Variants in USP54 observed in about 807,000 individuals in gnomAD.
USP54 encodes ubiquitin specific peptidase 54.
USP54 carries 87 observed loss-of-function variants against 170.5 expected under a neutral mutation model. That is an observed-to-expected ratio of 0.51 (90% confidence interval 0.43 to 0.61). USP54 has a LOEUF of 0.61. Ranked by LOEUF, USP54 falls within the 20% of genes least tolerant of loss-of-function variation. USP54 has a pLI of 0.00. For missense variants in USP54, 1,786 were observed against 2,047.8 expected (o/e 0.87, Z 2.47); for synonymous variants, 655 against 742.8 (o/e 0.88, Z 1.92).
At chr10:73,592,662 T>C (rs2078362279), upstream of USP54, among the ~76,000 whole-genome samples, 1 of 152,150 alleles carries the variant, frequency 6.6e-6, no homozygotes, top group Non-Finnish European at 1.5e-5. Context: ...AGCTCTTCAA[T>C]CAAGTCATTA....
intron 1 of USP54, chr10:73,614,089 C>T (rs1252596461): frequency 6.6e-6 from 1 of 150,798 alleles, no homozygotes; most frequent in East Asian, 1.9e-4. Context: ...GTAGTTACAG[C>T]TACTGGGGAG....
intron 1 of USP54, among the ~76,000 whole-genome samples, chr10:73,613,737 G>A (rs2080360408): frequency 1.3e-5 from 2 of 151,676 alleles, no homozygotes; most frequent in Non-Finnish European, 1.5e-5. Context: ...AAATTAGCTG[G>A]GCGTGGTGGC....
chr10:73,498,338 C>A lies in USP54; in HGVS notation c.*291G>T. 1 of 194,856 alleles carries A rather than the reference C, an allele frequency of 5.1e-6. No homozygotes were observed. The highest frequency in any genetic ancestry group is 5.4e-5 in the Admixed American group (1 of 18,544). 12.1% of individuals were successfully genotyped at this position (194,856 alleles called of 1,614,324 possible). Reference sequence around the variant, plus strand: ...ATTGCCAAGCTGGAGTGCAGTGGTGCGATCTCGGCTCACTGCAACCTCTGC... The same window carrying A: ...ATTGCCAAGCTGGAGTGCAGTGGTGAGATCTCGGCTCACTGCAACCTCTGC... On this transcript the variant is annotated 3_prime_UTR_variant, in exon 24 of 24. Coordinates refer to ENST00000687698, the MANE Select transcript of USP54 (RefSeq NM_001391956.1).
rs1405570361 is a variant in USP54 at position 73,500,847 on chromosome 10, G to A, written c.4312-9C>T. 1 of 1,590,656 alleles carries A rather than the reference G, an allele frequency of 6.3e-7. No homozygotes were observed. Among genetic ancestry groups the A allele is most frequent in the Admixed American group, 1.9e-5 (1 of 53,506 alleles). On this transcript the variant is annotated splice_polypyrimidine_tract_variant and intron_variant, in intron 22 of 23. Transcript: ENST00000687698. ...CTCACGTTTGATGAATCCTTATAAT[G>A]AGACAAGACAAAAAAACATAGAGAT... is the stretch of plus-strand genomic sequence containing the variant.
intron 1 of USP54, among the ~76,000 whole-genome samples, chr10:73,602,948 C>T (rs572849554): frequency 1.3e-5 from 2 of 149,392 alleles, no homozygotes; most frequent in South Asian, 2.1e-4. Flanking sequence ...ATTCAACAAA[C>T]ATTTCTATAC....
At chr10:73,543,963 G>A (rs1279509511) in intron 5 of USP54, among the ~76,000 whole-genome samples, 2 of 145,190 alleles carry the variant, frequency 1.4e-5, no homozygotes, top group Non-Finnish European at 3.0e-5. Flanking sequence ...TTTTTTTTGA[G>A]ACACACTCTG....
Position 73,530,294 on chromosome 10 carries a change from ACT to A in USP54, c.1675_1676del (p.Ser559TyrfsTer4). ...AACTGGATTTTGACTCACTGCTGGT[ACT>A]CTCTATTTCCCAGTCACGAGAGTGT... ...PLHSRDWEIESTSSESKSSSS... is the reference protein window; with the variant it reads ...PLHSRDWEIEXTSSESKSSSS... On this transcript the variant is annotated frameshift_variant, in exon 14 of 24. Transcript: ENST00000687698. LOFTEE classifies it high-confidence loss of function. 1 of 1,613,950 alleles carries A rather than the reference ACT, an allele frequency of 6.2e-7. No individual in the cohort carries two copies.
rs772473540 is a variant in USP54, at chr10:73,523,655, CCTT to C, written c.2287_2289del (p.Lys763del). On this transcript the variant is annotated inframe_deletion, in exon 17 of 24. Transcript: ENST00000687698. ...TTAAACCCTTTCGCTGCCTCTAACT[CCTT>C]CTCCCGTTTTCTTCGAAGTTCCTGT... The C allele has an allele frequency of 5.3e-5, 86 of 1,613,762 alleles. No homozygotes were observed. The highest frequency in any genetic ancestry group is 7.2e-5 in the Non-Finnish European group (85 of 1,179,870).
At chr10:73,578,247 C>A (rs1030285152) in intron 1 of USP54, among the ~76,000 whole-genome samples, 8 of 152,014 alleles carry the variant, frequency 5.3e-5, no homozygotes, top group African/African-American at 1.9e-4. Flanking sequence ...AACAAGTGGT[C>A]CAGAGAAATA....
Position 73,505,292 on chromosome 10 carries a change from C to G in USP54, c.4170+16G>C. The G allele has an allele frequency of 6.2e-7, 1 of 1,609,512 alleles. No individual in the cohort carries two copies. Among genetic ancestry groups the G allele is most frequent in the South Asian group, 1.1e-5 (1 of 90,628 alleles). On this transcript the variant is annotated intron_variant, in intron 21 of 23. Transcript: ENST00000687698. Reference sequence around the variant, plus strand: ...CACCACCCCAGGCCCAGCACCTTAGCACCTGAGGCTGCTACCTGAGAAGTA... The same window carrying G: ...CACCACCCCAGGCCCAGCACCTTAGGACCTGAGGCTGCTACCTGAGAAGTA...
intron 4 of USP54, among the ~76,000 whole-genome samples, chr10:73,545,971 A>G (rs188606635): frequency 2.6e-5 from 4 of 152,358 alleles, no homozygotes; most frequent in African/African-American, 9.6e-5. Context: ...TTCCTCTAAT[A>G]CAGACAGAAG....
At chr10:73,578,176 C>A (rs1011280539) in intron 1 of USP54, among the ~76,000 whole-genome samples, 16 of 152,114 alleles carry the variant, frequency 1.1e-4, no homozygotes, top group Non-Finnish European at 2.1e-4. Context: ...GTTCTCAGAC[C>A]TGTTCTAGAT....
Position 73,529,843 on chromosome 10 carries a change from G to T in USP54, c.1897C>A (p.Pro633Thr), listed in dbSNP as rs1217401776. Residue 633 changes from proline to threonine, a missense_variant, in exon 15 of 24, where the codon CCC becomes ACC. This residue lies in a region of USP54 where 1,418 missense variants were observed against 1,569.0 expected (regional missense o/e 0.90). Coordinates refer to ENST00000687698, the MANE Select transcript of USP54 (RefSeq NM_001391956.1). Reference sequence around the variant, plus strand: ...GCTGGGCCCCAGCGCTTGTACTGGGGGCTTGGTCCACCAAATTTAATGTCG... The same window carrying T: ...GCTGGGCCCCAGCGCTTGTACTGGGTGCTTGGTCCACCAAATTTAATGTCG... ...SYDIKFGGPS[P>T]QYKRWGPARP... is the part of the protein sequence containing the mutation. 2 of 1,583,002 alleles carry T rather than the reference G, an allele frequency of 1.3e-6. No individual in the cohort carries two copies. The highest frequency in any genetic ancestry group is 4.5e-5 in the East Asian group (2 of 44,516).
intron 22 of USP54, among the ~76,000 whole-genome samples, chr10:73,502,689 A>C (rs1466543828): frequency 1.3e-5 from 2 of 152,192 alleles, no homozygotes; most frequent in Non-Finnish European, 2.9e-5. Flanking sequence ...AGTCTCTCTA[A>C]TCTTTTTTTC....
chr10:73,591,745 C>A (rs984027970), upstream of USP54, among the ~76,000 whole-genome samples: 3 of 152,118 alleles, frequency 2.0e-5, no homozygotes, highest in South Asian at 6.2e-4. Flanking sequence ...CAGTCCCCCA[C>A]AAAAAAATTC....
Position 73,520,989 on chromosome 10 carries a change from C to T in USP54, c.2401G>A (p.Glu801Lys). 6.2e-7 allele frequency: 1 copy of T among 1,614,166 alleles called. No individual in the cohort carries two copies. ...TGTAGTGACTCTTCAAACACTGACT[C>T]TGCCTCTTGCAGGGACCTCTCAAAG... ...DGFERSLQEA[E>K]SVFEESLHLE... Residue 801 changes from glutamate to lysine, a missense_variant, in exon 18 of 24, where the codon GAG (glutamate) becomes AAG (lysine). This residue lies in a region of USP54 where 1,418 missense variants were observed against 1,569.0 expected (regional missense o/e 0.90). Transcript: ENST00000687698.
rs945611469 is a variant in USP54, at chr10:73,616,151, G to A, written c.-18+9416C>T. On this transcript the variant is annotated intron_variant, in intron 1 of 22. Coordinates refer to the USP54 transcript ENST00000339859. The stretch of plus-strand genomic sequence containing the variant: ...ATCAGGAGTTCAAGACTAGCCTGGC[G>A]AACATGGTGAAACCCTGTCTCTTCT... 5.4e-5 allele frequency among the ~76,000 whole-genome samples: 8 copies of A among 149,468 alleles called. No homozygotes were observed. The East Asian group carries it at 5.8e-4, about 11-fold the overall frequency.
intron 4 of USP54, among the ~76,000 whole-genome samples, chr10:73,566,378 A>C (rs899835054): frequency 1.3e-5 from 2 of 152,216 alleles, no homozygotes; most frequent in Admixed American, 1.3e-4. Context: ...ATGAAGTCTC[A>C]AAAACAGATA....
At chr10:73,572,959 A>G (rs1026166311) in intron 3 of USP54, among the ~76,000 whole-genome samples, 2 of 152,296 alleles carry the variant, frequency 1.3e-5, no homozygotes, top group Non-Finnish European at 2.9e-5. Flanking sequence ...CTAAATCACA[A>G]AAGTATTATC....
Sources: gnomAD v4.1 joint callset for allele counts (sites outside exome capture counted in the v4.1 genomes callset) on GRCh38, gnomAD v4.1.1 for gene constraint, gnomAD v4.1.1 regional missense constraint, MANE v1.5 for transcripts, NCBI Gene and HGNC (gene_info 2026-07-23, HGNC 2026-07-21) for gene names.